The following HSPA12A variants were observed in gnomAD, a reference collection of about 807,000 sequenced individuals.
HSPA12A encodes heat shock 70 kDa protein 12A.
HSPA12A carries 28 observed loss-of-function variants against 69.2 expected under a neutral mutation model. The observed-to-expected ratio is 0.40, with a 90% confidence interval of 0.30 to 0.55. HSPA12A has a LOEUF of 0.55. Among genes scored for constraint, HSPA12A ranks in the 20% least tolerant of loss-of-function variants. The pLI, the probability that HSPA12A is intolerant of heterozygous loss-of-function variation, is 0.38. For synonymous variants in HSPA12A, 345 were observed against 370.5 expected, an observed-to-expected ratio of 0.93 and a Z score of 0.79; for missense variants, 686 against 900.7, an observed-to-expected ratio of 0.76 and a Z score of 3.05.
At chr10:116,695,233 G>A (rs887631150) in intron 5 of HSPA12A, among the ~76,000 whole-genome samples, 4 of 152,122 alleles carry the variant, frequency 2.6e-5, no homozygotes, top group African/African-American at 9.7e-5. Context: ...GATTACTGGG[G>A]TCTCTCACTC....
chr10:116,734,650 C>CTTTT lies in HSPA12A; in HGVS notation c.40+7776_40+7779dup, dbSNP rs10631951. 8.5e-3 allele frequency among the ~76,000 whole-genome samples: 1,135 copies of CTTTT among 133,772 alleles called. 22 individuals carry two copies. Among genetic ancestry groups the CTTTT allele is most frequent in the African/African-American group, 0.031 (1,096 of 35,680 alleles). The allele number at this position is 133,772 out of a possible 152,430, so 87.8% of individuals were successfully genotyped here. A position where few individuals can be genotyped will look rare whatever the true frequency, so the allele number is the denominator to read the frequency against. ...GGTAGTTGCATCTACAGATTTTCAG[C>CTTTT]TTTTTTTTTTTTTTTGCTTTTTTCA... On this transcript the variant is annotated intron_variant, in intron 1 of 11. Transcript: ENST00000369209.
chr10:116,816,700 A>T (rs1162999554), intron 2 of HSPA12A, among the ~76,000 whole-genome samples: 1 of 152,178 alleles, frequency 6.6e-6, no homozygotes, highest in Middle Eastern at 3.2e-3. Context: ...TGATTTTTTT[A>T]AATGGGGTTT....
chr10:116,744,683 G>A (rs1255999108), upstream of HSPA12A, among the ~76,000 whole-genome samples: 9 of 152,224 alleles, frequency 5.9e-5, no homozygotes, highest in African/African-American at 1.4e-4. Context: ...ATTACAACGC[G>A]CCCTGCTGAG....
intron 2 of HSPA12A, among the ~76,000 whole-genome samples, chr10:116,812,883 G>C (rs1488262842): frequency 1.3e-5 from 2 of 152,100 alleles, no homozygotes; most frequent in Non-Finnish European, 2.9e-5. Flanking sequence ...TGCAGGGCTG[G>C]GATTCCTCTA....
At chr10:116,819,165 A>C (rs1845363876) in intron 2 of HSPA12A, among the ~76,000 whole-genome samples, 1 of 151,994 alleles carries the variant, frequency 6.6e-6, no homozygotes, top group Non-Finnish European at 1.5e-5. Context: ...AATCACCTGC[A>C]TTTTCCCAGT....
chr10:116,766,156 G>T (rs1407343978), intron 2 of HSPA12A, among the ~76,000 whole-genome samples: 1 of 152,172 alleles, frequency 6.6e-6, no homozygotes, highest in Non-Finnish European at 1.5e-5. Flanking sequence ...ATGAGTAGCT[G>T]CCCTGACACT....
At chr10:116,824,141 A>T (rs1564831840) in intron 2 of HSPA12A, among the ~76,000 whole-genome samples, 1 of 152,240 alleles carries the variant, frequency 6.6e-6, no homozygotes, top group Non-Finnish European at 1.5e-5. Context: ...AATGTCCACT[A>T]AGTATCTGAA....
intron 2 of HSPA12A, among the ~76,000 whole-genome samples, chr10:116,803,428 T>C (rs1845001393): frequency 6.6e-6 from 1 of 152,202 alleles, no homozygotes; most frequent in Non-Finnish European, 1.5e-5. Flanking sequence ...GGTACTGCCT[T>C]TCTGCTTCGG....
intron 1 of HSPA12A, among the ~76,000 whole-genome samples, chr10:116,846,002 T>G (rs1481014716): frequency 1.3e-5 from 2 of 152,212 alleles, no homozygotes; most frequent in Admixed American, 1.3e-4. Context: ...CACTCTGATA[T>G]AAGTGCTACT....
chr10:116,801,542 G>A (rs1410992038), intron 2 of HSPA12A, among the ~76,000 whole-genome samples: 3 of 152,044 alleles, frequency 2.0e-5, no homozygotes, highest in Admixed American at 1.3e-4. Flanking sequence ...CTGAAAAAAC[G>A]AACAGCTGCC....
chr10:116,786,316 G>A (rs1287896205), intron 2 of HSPA12A, among the ~76,000 whole-genome samples: 1 of 152,130 alleles, frequency 6.6e-6, no homozygotes, highest in African/African-American at 2.4e-5. Flanking sequence ...AACAGGCTGC[G>A]CAGAACAACT....
At chr10:116,700,628 C>G (rs2132964889) in intron 4 of HSPA12A, among the ~76,000 whole-genome samples, 1 of 152,298 alleles carries the variant, frequency 6.6e-6, no homozygotes, top group South Asian at 2.1e-4. Flanking sequence ...CCTGGCACAG[C>G]AGGAGGGCCC....
chr10:116,817,533 G>A (rs1203088203), intron 2 of HSPA12A, among the ~76,000 whole-genome samples: 1 of 151,064 alleles, frequency 6.6e-6, no homozygotes, highest in Non-Finnish European at 1.5e-5. Flanking sequence ...GGGTGGGGGT[G>A]GGGGGGATGG....
intron 2 of HSPA12A, among the ~76,000 whole-genome samples, chr10:116,768,528 T>C (rs543218084): frequency 5.9e-5 from 9 of 152,324 alleles, no homozygotes; most frequent in Admixed American, 5.2e-4. Context: ...TTTGACCCTG[T>C]CTCAGAATAA....
At chr10:116,706,498 C>T (rs1383955091) in intron 2 of HSPA12A, among the ~76,000 whole-genome samples, 1 of 152,188 alleles carries the variant, frequency 6.6e-6, no homozygotes, top group Non-Finnish European at 1.5e-5. Context: ...GACAGGCTGG[C>T]ATCCCTGCCT....
At position 116,723,581 on chromosome 10, in the gene HSPA12A, A is replaced by G. The variant is rs1476350022; in HGVS notation, c.41-16296T>C. ...TCACAGGGCTGCTGTGGAGACCACA[A>G]GGGGTGACCCATAAGGAAACTCCAG... On this transcript the variant is annotated intron_variant, in intron 1 of 11. Coordinates refer to ENST00000369209, the MANE Select transcript of HSPA12A (RefSeq NM_025015.3). This position sits in a 1 kb window ranked among gnomAD's most constrained non-coding sequence, Gnocchi z 4.1. Among the ~76,000 whole-genome samples the G allele has an allele frequency of 6.6e-6, 1 of 152,208 alleles. No individual in the cohort carries two copies. The highest frequency in any genetic ancestry group is 1.5e-5 in the Non-Finnish European group (1 of 68,030).
chr10:116,698,410 A>C (rs1244679721), intron 5 of HSPA12A: 6 of 420,796 alleles, frequency 1.4e-5, no homozygotes, highest in Non-Finnish European at 2.6e-5. Flanking sequence ...TCTGTGCTTT[A>C]CTTTTTTAGG....
At chr10:116,731,076 A>G (rs1294622841) in intron 1 of HSPA12A, among the ~76,000 whole-genome samples, 1 of 152,222 alleles carries the variant, frequency 6.6e-6, no homozygotes, top group Non-Finnish European at 1.5e-5. Context: ...GACTCAGTCA[A>G]TGCTACATCC....
At chr10:116,734,236 G>A (rs1448550569) in intron 1 of HSPA12A, among the ~76,000 whole-genome samples, 2 of 151,512 alleles carry the variant, frequency 1.3e-5, no homozygotes, top group Non-Finnish European at 1.5e-5. Flanking sequence ...AGATCACCAA[G>A]ACAGGCAGTT....
Sources: gnomAD v4.1 joint callset for allele counts (sites outside exome capture counted in the v4.1 genomes callset) on GRCh38, gnomAD v4.1.1 for gene constraint, Gnocchi (gnomAD v3.1) non-coding constraint, MANE v1.5 for transcripts, NCBI Gene and HGNC (gene_info 2026-07-23, HGNC 2026-07-21) for gene names.